Variants in PTGFRN observed in about 807,000 individuals in gnomAD.
The protein encoded by PTGFRN is prostaglandin F2 receptor negative regulator.
A neutral mutation model predicts 83.2 loss-of-function variants in PTGFRN; 35 were observed. That is an observed-to-expected ratio of 0.42 (90% CI 0.32 to 0.56). PTGFRN has a LOEUF of 0.56. Among genes scored for constraint, PTGFRN ranks in the 20% least tolerant of loss-of-function variants. PTGFRN has a pLI of 0.11. For synonymous variants in PTGFRN, 519 were observed against 498.6 expected (o/e 1.04, Z -0.55); for missense variants, 1,051 against 1,179.5 (o/e 0.89, Z 1.60).
At chr1:116,916,001 A>T (rs1030245172) in intron 1 of PTGFRN, among the ~76,000 whole-genome samples, 7 of 152,204 alleles carry the variant, frequency 4.6e-5, no homozygotes, top group Non-Finnish European at 8.8e-5. Flanking sequence ...GTCTTTGGGA[A>T]GCAACAGAAT....
chr1:116,976,897 C>G (rs1192800266), intron 7 of PTGFRN, among the ~76,000 whole-genome samples: 1 of 152,150 alleles, frequency 6.6e-6, no homozygotes, highest in African/African-American at 2.4e-5. Context: ...TGTAAATGGG[C>G]TAAATGCTCC....
chr1:116,962,029 A>G (rs1650678629), intron 5 of PTGFRN, among the ~76,000 whole-genome samples: 1 of 152,140 alleles, frequency 6.6e-6, no homozygotes, highest in Admixed American at 6.5e-5. Context: ...CCAGAGCCCA[A>G]CTAAGTGATG....
chr1:116,937,684 T>C (rs1171636329), intron 1 of PTGFRN, among the ~76,000 whole-genome samples: 1 of 152,194 alleles, frequency 6.6e-6, no homozygotes, highest in Non-Finnish European at 1.5e-5. Flanking sequence ...AGTCTCATGC[T>C]TGTGGGTAGG....
intron 1 of PTGFRN, among the ~76,000 whole-genome samples, chr1:116,930,302 G>A (rs1438485167): frequency 6.6e-6 from 1 of 152,096 alleles, no homozygotes; most frequent in African/African-American, 2.4e-5. Flanking sequence ...TCTTTTTTCT[G>A]TGCTGACTCT....
chr1:116,930,927 A>G (rs1649781596), intron 1 of PTGFRN, among the ~76,000 whole-genome samples: 1 of 152,120 alleles, frequency 6.6e-6, no homozygotes, highest in African/African-American at 2.4e-5. Context: ...CCATTTTTCA[A>G]AGGCCAAATT....
At chr1:116,947,723 G>T (rs542125455) in intron 3 of PTGFRN, among the ~76,000 whole-genome samples, 2 of 152,280 alleles carry the variant, frequency 1.3e-5, no homozygotes, top group Non-Finnish European at 2.9e-5. Context: ...GGATTCCAGG[G>T]TTTCTGGCCA....
At position 116,910,100 on chromosome 1, in the gene PTGFRN, G is replaced by A. The variant is rs1274789816; in HGVS notation, c.-104G>A. ...GAGAGCGGAGCAGGCGCGCGGCCCAGGCGGAGGAGCGCCGACTCTGGAGCA... is the reference window on the plus strand; with the variant it reads ...GAGAGCGGAGCAGGCGCGCGGCCCAAGCGGAGGAGCGCCGACTCTGGAGCA... On this transcript the variant is annotated 5_prime_UTR_variant, in exon 1 of 9. Coordinates refer to ENST00000393203, the MANE Select transcript of PTGFRN (RefSeq NM_020440.4). The A allele has an allele frequency of 3.1e-6, 4 of 1,290,434 alleles. No individual in the cohort carries two copies. The African/African-American group carries it at 4.6e-5, about 15-fold the overall frequency. The allele number at this position is 1,290,434 out of a possible 1,614,324, so 79.9% of individuals were successfully genotyped here. A position where few individuals can be genotyped will look rare whatever the true frequency, so the allele number is the denominator to read the frequency against.
At chr1:116,966,013 C>CA (rs1440357912) in intron 5 of PTGFRN, among the ~76,000 whole-genome samples, 13 of 152,058 alleles carry the variant, frequency 8.5e-5, no homozygotes, top group Non-Finnish European at 1.2e-4. Context: ...ACAAGTGTTC[C>CA]AAAAAATCTA....
chr1:116,983,281 G>A (rs1440032395), intron 7 of PTGFRN, among the ~76,000 whole-genome samples: 6 of 152,140 alleles, frequency 3.9e-5, no homozygotes, highest in South Asian at 2.1e-4. Flanking sequence ...AAGGCACAGC[G>A]GGGATCAGGG....
intron 8 of PTGFRN, among the ~76,000 whole-genome samples, chr1:116,985,488 G>A (rs1165620414): frequency 6.6e-6 from 1 of 152,028 alleles, no homozygotes; most frequent in African/African-American, 2.4e-5. Flanking sequence ...CATGAGGTCA[G>A]GAGTTCGAGA....
chr1:116,978,404 G>A (rs1046230687), intron 7 of PTGFRN, among the ~76,000 whole-genome samples: 1 of 152,054 alleles, frequency 6.6e-6, no homozygotes. Context: ...CCAAAGCCTG[G>A]CAGAGACACA....
chr1:116,935,373 ACTT>A (rs1649895936), intron 1 of PTGFRN, among the ~76,000 whole-genome samples: 2 of 151,988 alleles, frequency 1.3e-5, no homozygotes, highest in South Asian at 4.1e-4. Context: ...TGTTGAGTCC[ACTT>A]CAGTATCTTT....
Position 116,949,434 on chromosome 1 carries a change from C to T in PTGFRN, c.1075C>T (p.Leu359=). The T allele has an allele frequency of 6.2e-7, 1 of 1,614,264 alleles. No individual in the cohort carries two copies. Among genetic ancestry groups the T allele is most frequent in the South Asian group, 1.1e-5 (1 of 91,090 alleles). ...SHVDARSYHL[L]VRDVSKENSG... is the part of the protein sequence containing the mutation. ...TGTGGATGCACGCTCCTACCATTTA[C>T]TGGTTCGGGATGTTAGCAAAGAAAA... is the stretch of plus-strand genomic sequence containing the variant. Residue 359 remains leucine (L), a synonymous_variant, in exon 4 of 9, where the codon CTG becomes TTG. Transcript: ENST00000393203.
intron 1 of PTGFRN, among the ~76,000 whole-genome samples, chr1:116,914,444 G>A (rs1299558626): frequency 6.6e-6 from 1 of 152,172 alleles, no homozygotes; most frequent in Non-Finnish European, 1.5e-5. Context: ...ACTTACAAAG[G>A]ATATAAGGTC....
chr1:116,915,386 G>A (rs1649380340), intron 1 of PTGFRN, among the ~76,000 whole-genome samples: 1 of 152,212 alleles, frequency 6.6e-6, no homozygotes, highest in African/African-American at 2.4e-5. Context: ...AAGCACTGAA[G>A]GAGGAGGAAG....
chr1:116,985,993 A>AG (rs1651467301), intron 8 of PTGFRN, among the ~76,000 whole-genome samples: 1 of 152,250 alleles, frequency 6.6e-6, no homozygotes, highest in South Asian at 2.1e-4. Context: ...GAGGATGAGT[A>AG]AAAGCCTTTT....
At chr1:116,942,455 A>T (rs758323596) in intron 2 of PTGFRN, among the ~76,000 whole-genome samples, 1 of 152,174 alleles carries the variant, frequency 6.6e-6, no homozygotes, top group East Asian at 1.9e-4. Context: ...GGCTGTGGGC[A>T]TGTTACATGC....
At position 116,988,570 on chromosome 1, in the gene PTGFRN, ATTTGT is replaced by A. The variant is rs1274871493; in HGVS notation, c.*1608_*1612del. 1 of 152,684 alleles carries A rather than the reference ATTTGT, an allele frequency of 6.5e-6. No individual in the cohort carries two copies. Among genetic ancestry groups the A allele is most frequent in the African/African-American group, 2.4e-5 (1 of 41,444 alleles). The allele number at this position is 152,684 out of a possible 1,614,324, so 9.5% of individuals were successfully genotyped here. A position where few individuals can be genotyped will look rare whatever the true frequency, so the allele number is the denominator to read the frequency against. On this transcript the variant is annotated 3_prime_UTR_variant, in exon 9 of 9. Transcript: ENST00000393203. Reference sequence around the variant, plus strand: ...TCTTCCAAAGGGGAAAAAAAGATTCATTTGTTTTGAGCAATAAACTAATACAAAAT... The same window carrying A: ...TCTTCCAAAGGGGAAAAAAAGATTCATTTGAGCAATAAACTAATACAAAAT...
chr1:116,919,735 C>T (rs915382236), intron 1 of PTGFRN, among the ~76,000 whole-genome samples: 1 of 152,242 alleles, frequency 6.6e-6, no homozygotes. Flanking sequence ...TTCATAACCA[C>T]AGTACACTAG....
Sources: gnomAD v4.1 joint callset for allele counts (sites outside exome capture counted in the v4.1 genomes callset) on GRCh38, gnomAD v4.1.1 for gene constraint, MANE v1.5 for transcripts, NCBI Gene and HGNC (gene_info 2026-07-23, HGNC 2026-07-21) for gene names.